TMEFF2: variants seen among roughly 807,000 people sequenced by gnomAD.
The protein encoded by TMEFF2 is tomoregulin-2.
TMEFF2 carries 28 observed loss-of-function variants against 53.8 expected under a neutral mutation model. The observed-to-expected ratio is 0.52, with a 90% CI of 0.39 to 0.71. The LOEUF (loss-of-function observed/expected upper bound fraction) is 0.71, where lower values mean the gene tolerates loss of function less well. Ranked by LOEUF, TMEFF2 falls within the 30% of genes least tolerant of loss-of-function variation. TMEFF2 has a pLI of 0.00. For synonymous variants in TMEFF2, 162 were observed against 166.3 expected (o/e 0.97, Z 0.20); for missense variants, 353 against 455.2 (o/e 0.78, Z 2.04).
chr2:191,959,136 T>C (rs1421718720), intron 7 of TMEFF2, among the ~76,000 whole-genome samples: 1 of 152,214 alleles, frequency 6.6e-6, no homozygotes, highest in South Asian at 2.1e-4. Context: ...TTTCCTTCAG[T>C]AGCTTATGAT....
At chr2:192,167,056 C>T (rs1690786497) in intron 4 of TMEFF2, among the ~76,000 whole-genome samples, 1 of 152,042 alleles carries the variant, frequency 6.6e-6, no homozygotes, top group Non-Finnish European at 1.5e-5. Context: ...TAAATGGATA[C>T]TCTTTTCAGA....
intron 4 of TMEFF2, among the ~76,000 whole-genome samples, chr2:192,141,368 G>A (rs895326632): frequency 3.3e-5 from 5 of 149,892 alleles, no homozygotes; most frequent in African/African-American, 9.8e-5. Flanking sequence ...CAGTGGAATC[G>A]TTTGAGCCCA....
At chr2:192,137,712 T>C (rs1690043407) in intron 4 of TMEFF2, among the ~76,000 whole-genome samples, 1 of 151,426 alleles carries the variant, frequency 6.6e-6, no homozygotes, top group South Asian at 2.1e-4. Flanking sequence ...TGCATACCTA[T>C]ACACTGAGCC....
At chr2:192,114,961 T>C (rs1180418779) in intron 4 of TMEFF2, among the ~76,000 whole-genome samples, 3 of 152,008 alleles carry the variant, frequency 2.0e-5, no homozygotes, top group African/African-American at 7.2e-5. Context: ...ACTATATAGC[T>C]GACTATATAT....
Position 192,130,069 on chromosome 2 carries a change from A to G in TMEFF2, c.439+49599T>C, listed in dbSNP as rs149558606. ...TGTGATTTGTAGTTTTTAAAGACTAAAACTGTCATTTAATTATTACTTTTT... is the reference window on the plus strand; with the variant it reads ...TGTGATTTGTAGTTTTTAAAGACTAGAACTGTCATTTAATTATTACTTTTT... On this transcript the variant is annotated intron_variant, in intron 4 of 9. Transcript: ENST00000272771. 5.8e-3 allele frequency among the ~76,000 whole-genome samples: 883 copies of G among 152,276 alleles called. 4 individuals are homozygous for G. Among genetic ancestry groups the G allele is most frequent in the Non-Finnish European group, 9.6e-3 (654 of 68,030 alleles).
intron 5 of TMEFF2, 43 bp downstream of exon 5, chr2:192,057,636 C>T: frequency 6.7e-7 from 1 of 1,495,152 alleles, no homozygotes. Flanking sequence ...AGAAATTAAT[C>T]ACTGTCATTA....
chr2:192,043,808 G>C (rs1039039417), intron 5 of TMEFF2: 1 of 152,200 alleles, frequency 6.6e-6, no homozygotes, highest in Non-Finnish European at 1.5e-5. Context: ...TAAACACAAA[G>C]AAACACTACA....
At chr2:192,058,605 C>A (rs1199050308) in intron 4 of TMEFF2, among the ~76,000 whole-genome samples, 11 of 151,990 alleles carry the variant, frequency 7.2e-5, no homozygotes, top group Non-Finnish European at 1.5e-4. Context: ...TATTTGAGTA[C>A]AAGGAATGAG....
chr2:192,037,138 T>C (rs1687314166), intron 5 of TMEFF2: 1 of 152,026 alleles, frequency 6.6e-6, no homozygotes, highest in East Asian at 1.9e-4. Context: ...CTGACTCTAA[T>C]CTCTCTTTTG....
intron 2 of TMEFF2, among the ~76,000 whole-genome samples, chr2:192,188,786 C>T (rs1300875396): frequency 6.6e-6 from 1 of 151,638 alleles, no homozygotes; most frequent in African/African-American, 2.4e-5. Context: ...TTCCTTTTTT[C>T]CTCCCTCTCT....
intron 8 of TMEFF2, among the ~76,000 whole-genome samples, chr2:191,955,992 GCA>G (rs970119034): frequency 2.0e-5 from 3 of 152,066 alleles, no homozygotes; most frequent in African/African-American, 4.8e-5. Context: ...AGCTTATAAT[GCA>G]CAAAGTACAA....
intron 4 of TMEFF2, among the ~76,000 whole-genome samples, chr2:192,156,672 C>A (rs1690513773): frequency 6.6e-6 from 1 of 151,984 alleles, no homozygotes; most frequent in South Asian, 2.1e-4. Flanking sequence ...CATGAGAGTT[C>A]TTAAAAATAA....
chr2:191,973,320 TA>T (rs1243839691), intron 7 of TMEFF2, among the ~76,000 whole-genome samples: 1 of 152,048 alleles, frequency 6.6e-6, no homozygotes, highest in Non-Finnish European at 1.5e-5. Flanking sequence ...TATAGTGACT[TA>T]AAATTTTGTT....
intron 4 of TMEFF2, among the ~76,000 whole-genome samples, chr2:192,061,907 C>T (rs1172082733): frequency 6.6e-6 from 1 of 152,176 alleles, no homozygotes; most frequent in Non-Finnish European, 1.5e-5. Flanking sequence ...ACTATGCATT[C>T]TGCCATGAGT....
At chr2:191,987,003 C>T (rs1258167527) in intron 7 of TMEFF2, among the ~76,000 whole-genome samples, 1 of 151,984 alleles carries the variant, frequency 6.6e-6, no homozygotes, top group Non-Finnish European at 1.5e-5. Flanking sequence ...CTCCACAATA[C>T]CTCCTAACTT....
At chr2:192,066,878 C>T (rs1442120822) in intron 4 of TMEFF2, among the ~76,000 whole-genome samples, 1 of 151,682 alleles carries the variant, frequency 6.6e-6, no homozygotes. Flanking sequence ...TTTGTTATTC[C>T]CAGGATAATT....
intron 7 of TMEFF2, among the ~76,000 whole-genome samples, chr2:191,957,095 G>T (rs115058048): frequency 7.7e-4 from 117 of 152,262 alleles, no homozygotes; most frequent in African/African-American, 2.6e-3. Flanking sequence ...ACGAATAAAC[G>T]TGGATTCTAA....
intron 5 of TMEFF2, chr2:192,044,487 A>G (rs576007373): frequency 6.6e-6 from 1 of 152,320 alleles, no homozygotes; most frequent in Admixed American, 6.5e-5. Flanking sequence ...TGGAGGCAAC[A>G]TACTCCTTAT....
intron 7 of TMEFF2, among the ~76,000 whole-genome samples, chr2:191,997,199 C>A (rs1438982989): frequency 6.6e-6 from 1 of 151,720 alleles, no homozygotes; most frequent in Non-Finnish European, 1.5e-5. Flanking sequence ...TATAATTGTC[C>A]ATGATAATTT....
Sources: allele counts gnomAD v4.1 joint callset (sites outside exome capture counted in the v4.1 genomes callset), GRCh38; gene constraint gnomAD v4.1.1; transcripts MANE v1.5; gene names NCBI Gene and HGNC (gene_info 2026-07-23, HGNC 2026-07-21).